Variants in NUP58 observed in about 807,000 individuals in gnomAD.
NUP58 encodes nucleoporin p58/p45.
NUP58 carries 17 observed loss-of-function variants against 70.1 expected under a neutral mutation model. The ratio of observed to expected loss-of-function variants is 0.24; its 90% confidence interval spans 0.17 to 0.36. The LOEUF is 0.36. NUP58 is among the 10% of genes least tolerant of loss of function. The pLI is 1.00. For missense variants in NUP58, 644 were observed against 701.5 expected, an observed-to-expected ratio of 0.92 and a Z score of 0.93; for synonymous variants, 275 against 257.6, an observed-to-expected ratio of 1.07 and a Z score of -0.65.
At chr13:25,314,583 T>C (rs1271518621) in intron 5 of NUP58, among the ~76,000 whole-genome samples, 1 of 152,062 alleles carries the variant, frequency 6.6e-6, no homozygotes, top group South Asian at 2.1e-4. Context: ...TAATCCAAGC[T>C]GTTTGGGAGG....
At chr13:25,336,872 A>C (rs1325302150) in intron 13 of NUP58, 64 bp from the exon 14 acceptor site, 1 of 970,788 alleles carries the variant, frequency 1.0e-6, no homozygotes, top group Non-Finnish European at 1.5e-6. Flanking sequence ...AGAATCTTTA[A>C]TCTTGAAAGA....
At chr13:25,347,527 CTT>C (rs1468884684) in intron 3 of NUP58, among the ~76,000 whole-genome samples, 1 of 152,204 alleles carries the variant, frequency 6.6e-6, no homozygotes, top group Non-Finnish European at 1.5e-5. Flanking sequence ...ACCTCGATGT[CTT>C]TGTTAGCAAC....
intron 12 of NUP58, among the ~76,000 whole-genome samples, chr13:25,330,757 T>G (rs1444182616): frequency 6.6e-6 from 1 of 152,122 alleles, no homozygotes; most frequent in East Asian, 1.9e-4. Flanking sequence ...GTTCATAACT[T>G]TAACATGAAT....
chr13:25,323,289 G>A (rs1361555372), intron 9 of NUP58, among the ~76,000 whole-genome samples: 4 of 151,914 alleles, frequency 2.6e-5, no homozygotes, highest in Admixed American at 2.6e-4. Context: ...TAGGCGATGA[G>A]TTGATAGGTG....
intron 10 of NUP58, among the ~76,000 whole-genome samples, chr13:25,326,605 T>C (rs1252539877): frequency 4.6e-5 from 7 of 152,196 alleles, no homozygotes; most frequent in African/African-American, 2.4e-5. Flanking sequence ...TGTTAACTTA[T>C]AACTATAGTA....
intron 9 of NUP58, among the ~76,000 whole-genome samples, chr13:25,321,357 A>G (rs1012607205): frequency 6.6e-6 from 1 of 152,158 alleles, no homozygotes; most frequent in Non-Finnish European, 1.5e-5. Context: ...TATTATCCCC[A>G]TTATATAAAT....
At chr13:25,332,077 C>T in intron 13 of NUP58, 1 of 996,998 alleles carries the variant, frequency 1.0e-6, no homozygotes, top group Non-Finnish European at 1.2e-6. Context: ...TGTATGTTGA[C>T]TGTAAACAGA....
intron 13 of NUP58, chr13:25,335,898 A>G (rs549773395): frequency 4.5e-6 from 5 of 1,101,048 alleles, no homozygotes; most frequent in African/African-American, 3.4e-5. Context: ...AGATTGTACT[A>G]TGAAGTTTAT....
At chr13:25,335,319 G>C (rs2031742605) in intron 13 of NUP58, 1 of 985,182 alleles carries the variant, frequency 1.0e-6, no homozygotes, top group South Asian at 4.7e-5. Context: ...CATGCTATTT[G>C]AGTAACTCTT....
At chr13:25,330,386 A>G (rs961488485) in intron 12 of NUP58, among the ~76,000 whole-genome samples, 1 of 152,186 alleles carries the variant, frequency 6.6e-6, no homozygotes, top group African/African-American at 2.4e-5. Flanking sequence ...GAATTGGAAC[A>G]TCAAACACTG....
At position 25,340,207 on chromosome 13, in the gene NUP58, G is replaced by T; in HGVS notation, c.*73G>T. On this transcript the variant is annotated 3_prime_UTR_variant, in exon 16 of 16. Transcript: ENST00000381736. ...ATGAGTCTATTTTTCTAATGATGCA[G>T]TAATTAAATTGCATCCCAGGAGATT... The T allele has an allele frequency of 7.9e-7, 1 of 1,270,990 alleles. No homozygotes were observed. The highest frequency in any genetic ancestry group is 1.0e-6 in the Non-Finnish European group (1 of 960,216). The allele number at this position is 1,270,990 out of a possible 1,614,324, so 78.7% of individuals were successfully genotyped here. A position where few individuals can be genotyped will look rare whatever the true frequency, so the allele number is the denominator to read the frequency against.
At chr13:25,335,120 G>A (rs2031735648) in intron 13 of NUP58, 3 of 985,040 alleles carry the variant, frequency 3.0e-6, no homozygotes, top group Non-Finnish European at 3.6e-6. Flanking sequence ...ATTTGCCTAC[G>A]AGTTTTATAA....
chr13:25,329,545 A>G (rs1459316680), intron 12 of NUP58, among the ~76,000 whole-genome samples: 2 of 152,226 alleles, frequency 1.3e-5, no homozygotes, highest in African/African-American at 4.8e-5. Flanking sequence ...ACGAAAGGAT[A>G]TTCCCAAGAA....
chr13:25,335,244 T>C, intron 13 of NUP58: 1 of 985,242 alleles, frequency 1.0e-6, no homozygotes, highest in Non-Finnish European at 1.2e-6. Context: ...ATATTCTGAA[T>C]ATTGATGATT....
downstream of NUP58, among the ~76,000 whole-genome samples, chr13:25,345,458 G>A (rs1298263984): frequency 6.6e-6 from 1 of 152,080 alleles, no homozygotes; most frequent in Non-Finnish European, 1.5e-5. Flanking sequence ...TATCTGTGGT[G>A]TAAAGAGCGT....
chr13:25,331,901 T>G (rs1037885174), intron 13 of NUP58: 2 of 1,084,128 alleles, frequency 1.8e-6, no homozygotes, highest in African/African-American at 3.3e-5. Context: ...TTTATTGTTT[T>G]AAAGTCAGAG....
At chr13:25,347,991 A>G (rs2032069896) in intron 3 of NUP58, among the ~76,000 whole-genome samples, 1 of 152,210 alleles carries the variant, frequency 6.6e-6, no homozygotes, top group Admixed American at 6.5e-5. Context: ...TTTTGTGGAT[A>G]TCTATTATAA....
In NUP58 at chr13:25,313,686, C is replaced by G; in HGVS notation, c.509C>G (p.Ser170Cys). The G allele has an allele frequency of 6.5e-7, 1 of 1,532,426 alleles. No individual in the cohort carries two copies. The highest frequency in any genetic ancestry group is 1.3e-5 in the South Asian group (1 of 76,156). The allele number at this position is 1,532,426 out of a possible 1,614,324, so 94.9% of individuals were successfully genotyped here. Residue 170 changes from serine to cysteine, a missense_variant, in exon 5 of 16, where the codon TCT (serine) becomes TGT (cysteine). Transcript: ENST00000381736. ...ACTACAACTGCATCAACAGGCCTCT[C>G]TTTAGGGGGAGCCTTAGCTGGTTTG... Reference protein sequence around the residue: ...ATTTTASTGLSLGGALAGLGG... With the variant: ...ATTTTASTGLCLGGALAGLGG...
chr13:25,348,352 ATTTTG>A (rs1487810572), intron 3 of NUP58, among the ~76,000 whole-genome samples: 1 of 152,204 alleles, frequency 6.6e-6, no homozygotes, highest in East Asian at 1.9e-4. Context: ...AATGCCAAAT[ATTTTG>A]TTAATGATTT....
Sources: allele counts gnomAD v4.1 joint callset (sites outside exome capture counted in the v4.1 genomes callset), GRCh38; gene constraint gnomAD v4.1.1; transcripts MANE v1.5; gene names NCBI Gene and HGNC (gene_info 2026-07-23, HGNC 2026-07-21).